The following FHAD1 variants were observed in gnomAD, a reference collection of about 807,000 sequenced individuals.
The protein encoded by FHAD1 is forkhead-associated domain-containing protein 1.
Under a neutral mutation model 191.3 loss-of-function variants are expected in FHAD1, and 146 were observed. The observed-to-expected ratio is 0.76, with a 90% CI of 0.67 to 0.88. The LOEUF is 0.88. Ranked by LOEUF, FHAD1 falls within the 40% of genes least tolerant of loss-of-function variation. The pLI is 0.00. For synonymous variants in FHAD1, 616 were observed against 672.3 expected (o/e 0.92, Z 1.29); for missense variants, 1,635 against 1,785.8 (o/e 0.92, Z 1.52).
chr1:15,400,741 T>G (rs895983279), downstream of FHAD1, among the ~76,000 whole-genome samples: 25 of 152,332 alleles, frequency 1.6e-4, no homozygotes, highest in African/African-American at 5.3e-4. Flanking sequence ...CTGCCACGCT[T>G]TGTCTCTGCT....
chr1:15,250,860 TAAGCTCTATAGA>T (rs1228665886), intron 1 of FHAD1, among the ~76,000 whole-genome samples: 2 of 152,010 alleles, frequency 1.3e-5, no homozygotes, highest in African/African-American at 4.8e-5. Context: ...ATGAATAAAA[TAAGCTCTATAGA>T]AGTTTAGGGT....
At chr1:15,341,932 A>T (rs1392503163) in intron 16 of FHAD1, 44 bp downstream of exon 16, 1 of 1,525,230 alleles carries the variant, frequency 6.6e-7, no homozygotes, top group African/African-American at 1.4e-5. Flanking sequence ...GAAACTGATG[A>T]AATGGCCTTT....
chr1:15,317,810 TG>T lies in FHAD1; in HGVS notation c.1261-13del. On this transcript the variant is annotated splice_polypyrimidine_tract_variant and intron_variant, in intron 9 of 33. Transcript: ENST00000688493. The stretch of plus-strand genomic sequence containing the variant: ...CCCCATCAGGGAGGTTCACTCTTGT[TG>T]AAACTTTTTCAGCAAATCCAAGACA... The T allele has an allele frequency of 1.3e-6, 2 of 1,548,792 alleles. No individual in the cohort carries two copies. The highest frequency in any genetic ancestry group is 1.7e-6 in the Non-Finnish European group (2 of 1,144,460).
intron 1 of FHAD1, among the ~76,000 whole-genome samples, chr1:15,241,921 G>GTATA (rs931999451): frequency 5.9e-5 from 9 of 152,092 alleles, no homozygotes; most frequent in Non-Finnish European, 1.2e-4. Flanking sequence ...TTTTCAATAT[G>GTATA]TATATTATCT....
rs372813831 is a variant in FHAD1, at chr1:15,340,686, G to C, written c.1978-1050G>C. On this transcript the variant is annotated intron_variant, in intron 15 of 33. Transcript: ENST00000688493. ...ATAGCCCTAGACATGGATAGAGTGGGGTAAAGAAGGGACCACCATGCCAAT... is the reference window on the plus strand; with the variant it reads ...ATAGCCCTAGACATGGATAGAGTGGCGTAAAGAAGGGACCACCATGCCAAT... Among the ~76,000 whole-genome samples, 58 of 152,194 alleles carry C rather than the reference G, an allele frequency of 3.8e-4. No homozygotes were observed. The South Asian group carries it at 4.6e-3, about 12-fold the overall frequency.
At chr1:15,319,868 A>G (rs1048888571) in intron 10 of FHAD1, among the ~76,000 whole-genome samples, 4 of 152,244 alleles carry the variant, frequency 2.6e-5, no homozygotes, top group African/African-American at 4.8e-5. Context: ...GAAATCTGTT[A>G]AACAACTGGC....
At chr1:15,239,574 C>T (rs758866248) in intron 1 of FHAD1, among the ~76,000 whole-genome samples, 19 of 152,054 alleles carry the variant, frequency 1.2e-4, no homozygotes, top group Non-Finnish European at 2.1e-4. Context: ...AGTGACAGAG[C>T]GAGACTCTGT....
chr1:15,324,491 C>A lies in FHAD1; in HGVS notation c.1405C>A (p.Leu469Ile), dbSNP rs1294841962. ...TCAGGAGGATTCCAGAAGGAAATTG[C>A]TTCAGCTGCAAGAAATGGGGAACAG... ...KLQEDSRRKL[L>I]QLQEMGNRES... Residue 469 changes from leucine (L) to isoleucine (I), a missense_variant, in exon 11 of 34, where the codon CTT (leucine) becomes ATT (isoleucine). Physicochemically the swap from Leu to Ile is conservative, Grantham distance 5. Coordinates refer to ENST00000688493, the MANE Select transcript of FHAD1 (RefSeq NM_001391957.1). 10 of 1,552,144 alleles carry A rather than the reference C, an allele frequency of 6.4e-6. No individual in the cohort carries two copies.
At chr1:15,348,286 C>T (rs1689630848) in intron 18 of FHAD1, among the ~76,000 whole-genome samples, 1 of 152,176 alleles carries the variant, frequency 6.6e-6, no homozygotes, top group Admixed American at 6.5e-5. Context: ...TAATGGAAAC[C>T]ATGTTCCAAG....
rs554112941 is a variant in FHAD1, at chr1:15,388,576, T to G, written c.4269+445T>G. Among the ~76,000 whole-genome samples the G allele has an allele frequency of 3.3e-5, 5 of 149,804 alleles. No homozygotes were observed. In the East Asian group the frequency reaches 8.1e-4, roughly 24 times the overall value. On this transcript the variant is annotated intron_variant, in intron 32 of 33. Coordinates refer to ENST00000688493, the MANE Select transcript of FHAD1 (RefSeq NM_001391957.1). ...AGGAATCCCTGTCCTAAGAATGAAA[T>G]GAGGGGGGTGAAAGAAGGTGGGAGT...
chr1:15,391,798 T>C (rs1047816502), intron 33 of FHAD1, among the ~76,000 whole-genome samples: 32 of 152,244 alleles, frequency 2.1e-4, no homozygotes. Flanking sequence ...ACCATTGTCC[T>C]AGGACAGAAG....
chr1:15,320,583 T>C (rs1295948966), intron 10 of FHAD1, among the ~76,000 whole-genome samples: 1 of 152,228 alleles, frequency 6.6e-6, no homozygotes, highest in Non-Finnish European at 1.5e-5. Flanking sequence ...TCGAATCAAA[T>C]CTTTGGCTAT....
intron 19 of FHAD1, among the ~76,000 whole-genome samples, chr1:15,350,861 C>T (rs1232082434): frequency 6.6e-6 from 1 of 152,070 alleles, no homozygotes; most frequent in African/African-American, 2.4e-5. Context: ...CAATAACAAG[C>T]CCATGAGGGA....
chr1:15,244,574 G>C (rs1421329381), upstream of FHAD1, among the ~76,000 whole-genome samples: 1 of 152,174 alleles, frequency 6.6e-6, no homozygotes, highest in African/African-American at 2.4e-5. The surrounding 1 kb of genome is among the most constrained non-coding windows in gnomAD (Gnocchi z 5.1). Flanking sequence ...CCGACATCCT[G>C]GGGCGAGGAC....
At chr1:15,347,806 A>T (rs903611578) in intron 18 of FHAD1, among the ~76,000 whole-genome samples, 2 of 152,208 alleles carry the variant, frequency 1.3e-5, no homozygotes, top group African/African-American at 4.8e-5. Flanking sequence ...GGTCAACAGA[A>T]TCACTAGGTC....
rs1410184455 is a variant in FHAD1 at position 15,329,239 on chromosome 1, C to T, written c.1711-107C>T. ...TCCTCCCAAGGCGGCCAATACGTGG[C>T]GCTGCCTGCTTCGTGGCAGAGTCAA... On this transcript the variant is annotated intron_variant, in intron 13 of 33. Transcript: ENST00000688493. This position sits in a 1 kb window ranked among gnomAD's most constrained non-coding sequence, Gnocchi z 5.0. The T allele has an allele frequency of 9.8e-6, 9 of 915,826 alleles. No individual in the cohort carries two copies. Among genetic ancestry groups the T allele is most frequent in the Admixed American group, 6.2e-5 (2 of 32,450 alleles). 56.7% of individuals were successfully genotyped at this position (915,826 alleles called of 1,614,324 possible).
At position 15,381,942 on chromosome 1, in the gene FHAD1, A is replaced by C; in HGVS notation, c.4023-86A>C. 6.9e-7 allele frequency: 1 copy of C among 1,450,012 alleles called. No homozygotes were observed. The highest frequency in any genetic ancestry group is 9.3e-7 in the Non-Finnish European group (1 of 1,071,800). The allele number at this position is 1,450,012 out of a possible 1,614,324, so 89.8% of individuals were successfully genotyped here. ...CTGAGTGAGCCCCCACTGTGGATGT[A>C]TTTTGAGAGACTTCCGGGTCTGGCA... On this transcript the variant is annotated intron_variant, in intron 30 of 33. Transcript: ENST00000688493. The surrounding 1 kb of genome is among the most constrained non-coding windows in gnomAD (Gnocchi z 4.6).
intron 18 of FHAD1, 172 bp downstream of exon 18, chr1:15,345,695 C>T (rs989709174): frequency 9.7e-6 from 6 of 617,788 alleles, no homozygotes; most frequent in African/African-American, 9.3e-5. Context: ...AGGAGGGAAC[C>T]CTGGAGTTGT....
intron 32 of FHAD1, 26 bp downstream of exon 32, chr1:15,388,157 GAC>G (rs1557448751): frequency 2.4e-6 from 3 of 1,261,240 alleles, no homozygotes; most frequent in Non-Finnish European, 3.1e-6. Flanking sequence ...TGATGTTGCA[GAC>G]ACAGAGTAGA....
Sources: allele counts gnomAD v4.1 joint callset (sites outside exome capture counted in the v4.1 genomes callset), GRCh38; gene constraint gnomAD v4.1.1; non-coding constraint Gnocchi (gnomAD v3.1); transcripts MANE v1.5; gene names NCBI Gene and HGNC (gene_info 2026-07-23, HGNC 2026-07-21).